Variants in ESRRG observed in about 807,000 individuals in gnomAD.
The protein encoded by ESRRG is estrogen-related receptor gamma.
Under a neutral mutation model 44.0 loss-of-function variants are expected in ESRRG, and 13 were observed. That is an observed-to-expected ratio of 0.30 (90% CI 0.19 to 0.47). ESRRG has a LOEUF of 0.47. ESRRG is among the 20% of genes least tolerant of loss of function. The probability of loss-of-function intolerance (pLI) is 1.00; values close to 1 mark genes in which losing one functional copy is unlikely to be tolerated. For synonymous variants in ESRRG, 215 were observed against 214.6 expected (o/e 1.00, Z -0.02); for missense variants, 395 against 580.6 (o/e 0.68, Z 3.29).
At chr1:216,791,281 G>C (rs537134363) in intron 2 of ESRRG, among the ~76,000 whole-genome samples, 2 of 151,954 alleles carry the variant, frequency 1.3e-5, no homozygotes, top group Admixed American at 6.6e-5. Flanking sequence ...AAAGTGCGTG[G>C]CACCTCCTTC....
chr1:216,858,284 A>AG (rs2095987332), intron 2 of ESRRG, among the ~76,000 whole-genome samples: 1 of 151,810 alleles, frequency 6.6e-6, no homozygotes, highest in Non-Finnish European at 1.5e-5. Flanking sequence ...AAAAAAAAAA[A>AG]AAATTAGCCA....
At chr1:216,687,358 G>A (rs2078205206) in intron 1 of ESRRG, among the ~76,000 whole-genome samples, 1 of 152,172 alleles carries the variant, frequency 6.6e-6, no homozygotes, top group African/African-American at 2.4e-5. Flanking sequence ...CACGCTGTCA[G>A]CAAGCAGCGG....
intron 3 of ESRRG, among the ~76,000 whole-genome samples, chr1:216,587,631 C>T (rs1274909352): frequency 6.6e-6 from 1 of 152,118 alleles, no homozygotes; most frequent in African/African-American, 2.4e-5. Flanking sequence ...CTCCCTTCCC[C>T]CTCTTAGAAA....
chr1:217,125,142 A>T (rs2092872168), intron 1 of ESRRG, among the ~76,000 whole-genome samples: 1 of 152,128 alleles, frequency 6.6e-6, no homozygotes, highest in Admixed American at 6.5e-5. Flanking sequence ...TTATCAGAAC[A>T]ATACTACACT....
At chr1:216,692,309 T>G (rs1347568683) in intron 1 of ESRRG, among the ~76,000 whole-genome samples, 4 of 23,734 alleles carry the variant, frequency 1.7e-4, no homozygotes, top group African/African-American at 6.1e-4. Context: ...CCTAGGCTAG[T>G]GTATGTGTGT....
In ESRRG at chr1:216,601,035, C is replaced by T. The variant is rs538214324; in HGVS notation, c.590-32937G>A. Among the ~76,000 whole-genome samples the T allele has an allele frequency of 9.3e-4, 142 of 152,312 alleles. 1 individual carries two copies. Among genetic ancestry groups the T allele is most frequent in the African/African-American group, 3.2e-3 (135 of 41,570 alleles). ...CCGGTTCTCTGCCTGGATTGGGCTCCCGTGGGTTGCTGAGGCCCTCGCGGA... is the reference window on the plus strand; with the variant it reads ...CCGGTTCTCTGCCTGGATTGGGCTCTCGTGGGTTGCTGAGGCCCTCGCGGA... On this transcript the variant is annotated intron_variant, in intron 3 of 6. Coordinates refer to ENST00000408911, the MANE Select transcript of ESRRG (RefSeq NM_001438.4).
intron 3 of ESRRG, among the ~76,000 whole-genome samples, chr1:216,646,807 C>T (rs918952232): frequency 2.6e-5 from 4 of 152,110 alleles, no homozygotes; most frequent in Admixed American, 6.6e-5. Context: ...AATAACAAAA[C>T]TGGTCCTCTA....
At chr1:216,755,965 G>A (rs2092415892) in intron 2 of ESRRG, among the ~76,000 whole-genome samples, 1 of 151,930 alleles carries the variant, frequency 6.6e-6, no homozygotes, top group Non-Finnish European at 1.5e-5. Flanking sequence ...ACATTACAGG[G>A]AATCTAAAAA....
chr1:217,119,972 A>C (rs1270446785), intron 1 of ESRRG, among the ~76,000 whole-genome samples: 1 of 152,234 alleles, frequency 6.6e-6, no homozygotes, highest in Non-Finnish European at 1.5e-5. Context: ...TGGGATACAA[A>C]AATGGAAAAG....
chr1:216,649,773 A>G (rs1157072882), intron 3 of ESRRG, among the ~76,000 whole-genome samples: 1 of 152,138 alleles, frequency 6.6e-6, no homozygotes, highest in Non-Finnish European at 1.5e-5. Context: ...TGAATTCCAT[A>G]TATCCAAACA....
chr1:216,959,135 C>T (rs1317327430), intron 1 of ESRRG, among the ~76,000 whole-genome samples: 2 of 151,770 alleles, frequency 1.3e-5, no homozygotes. Flanking sequence ...TTATCTCATT[C>T]TACCAAAATA....
chr1:216,647,207 A>G (rs1040296099), intron 3 of ESRRG, among the ~76,000 whole-genome samples: 1 of 152,176 alleles, frequency 6.6e-6, no homozygotes, highest in Non-Finnish European at 1.5e-5. Context: ...AAAAATGAAA[A>G]GGGAATGTTG....
chr1:216,957,963 A>G (rs1052218579), intron 1 of ESRRG, among the ~76,000 whole-genome samples: 12 of 152,112 alleles, frequency 7.9e-5, no homozygotes, highest in African/African-American at 2.2e-4. Flanking sequence ...GAGGAAACCA[A>G]TGTTCTGATT....
intron 5 of ESRRG, among the ~76,000 whole-genome samples, chr1:216,553,395 G>T (rs796382937): frequency 3.3e-4 from 50 of 152,308 alleles, no homozygotes; most frequent in African/African-American, 1.1e-3. Context: ...CTGAAACTGG[G>T]TAGGTGTGTT....
chr1:216,801,339 G>C (rs1008696229), intron 2 of ESRRG, among the ~76,000 whole-genome samples: 1 of 152,096 alleles, frequency 6.6e-6, no homozygotes, highest in Non-Finnish European at 1.5e-5. Flanking sequence ...CAGTAGCTAT[G>C]GCTACAGGCA....
chr1:216,845,557 G>A (rs907629901), intron 2 of ESRRG, among the ~76,000 whole-genome samples: 3 of 152,146 alleles, frequency 2.0e-5, no homozygotes, highest in Admixed American at 2.0e-4. Context: ...CTGTCAAGCT[G>A]TGCCCCCATC....
At chr1:216,874,565 A>G (rs904811306) in intron 2 of ESRRG, among the ~76,000 whole-genome samples, 2 of 152,320 alleles carry the variant, frequency 1.3e-5, no homozygotes, top group African/African-American at 4.8e-5. Flanking sequence ...GCAATCAGTA[A>G]CTTGACCTTA....
intron 2 of ESRRG, among the ~76,000 whole-genome samples, chr1:216,905,948 AC>A (rs2059636878): frequency 6.6e-6 from 1 of 152,056 alleles, no homozygotes; most frequent in Non-Finnish European, 1.5e-5. Flanking sequence ...ACAGGGTTTC[AC>A]CATATTGGCC....
intron 2 of ESRRG, among the ~76,000 whole-genome samples, chr1:216,745,449 T>C (rs1038914602): frequency 1.3e-5 from 2 of 152,148 alleles, no homozygotes; most frequent in African/African-American, 2.4e-5. Context: ...CCTCGGCCAC[T>C]CAAGTTGCTG....
Sources: gnomAD v4.1 joint callset for allele counts (sites outside exome capture counted in the v4.1 genomes callset) on GRCh38, gnomAD v4.1.1 for gene constraint, MANE v1.5 for transcripts, NCBI Gene and HGNC (gene_info 2026-07-23, HGNC 2026-07-21) for gene names.